Variants in EYA4 observed in about 807,000 individuals in gnomAD.
EYA4 encodes protein phosphatase EYA4.
In EYA4, 31 loss-of-function variants were observed where a neutral mutation model predicts 87.9. The ratio of observed to expected loss-of-function variants is 0.35; its 90% CI spans 0.27 to 0.48. EYA4 has a LOEUF of 0.48. Ranked by LOEUF, EYA4 falls within the 20% of genes least tolerant of loss-of-function variation. The pLI, the probability that EYA4 is intolerant of heterozygous loss-of-function variation, is 0.99. For missense variants in EYA4, 678 were observed against 761.4 expected (o/e 0.89, Z 1.29); for synonymous variants, 263 against 270.6 (o/e 0.97, Z 0.28).
At chr6:133,300,199 G>A (rs1377895202) in intron 2 of EYA4, among the ~76,000 whole-genome samples, 1 of 151,754 alleles carries the variant, frequency 6.6e-6, no homozygotes, top group African/African-American at 2.4e-5. Context: ...TAATCTTCAC[G>A]TTGAATAGGC....
At chr6:133,345,325 C>G (rs1420023086) in intron 2 of EYA4, among the ~76,000 whole-genome samples, 1 of 151,978 alleles carries the variant, frequency 6.6e-6, no homozygotes, top group Non-Finnish European at 1.5e-5. Flanking sequence ...TGAAGAGTTA[C>G]ATTTGGCTAA....
At chr6:133,441,970 G>T (rs1031314369) in intron 3 of EYA4, among the ~76,000 whole-genome samples, 7 of 151,254 alleles carry the variant, frequency 4.6e-5, no homozygotes, top group African/African-American at 1.7e-4. Context: ...TATATGTATT[G>T]ATCCATATAT....
intron 2 of EYA4, among the ~76,000 whole-genome samples, chr6:133,295,042 A>C (rs1366693995): frequency 6.6e-6 from 1 of 152,204 alleles, no homozygotes; most frequent in Non-Finnish European, 1.5e-5. Flanking sequence ...TTTATATCAC[A>C]CAAGATAGTG....
chr6:133,393,277 T>G (rs1787460908), intron 3 of EYA4, among the ~76,000 whole-genome samples: 1 of 152,278 alleles, frequency 6.6e-6, no homozygotes, highest in Non-Finnish European at 1.5e-5. Context: ...TTCAATTAAA[T>G]GCTTATTCTC....
intron 14 of EYA4, among the ~76,000 whole-genome samples, chr6:133,511,524 A>G (rs546163278): frequency 4.1e-4 from 63 of 151,980 alleles, no homozygotes; most frequent in African/African-American, 1.5e-3. Context: ...GGCATTTTAA[A>G]TGCCCTCACC....
chr6:133,481,260 A>G (rs777027379), intron 11 of EYA4, among the ~76,000 whole-genome samples: 68 of 152,210 alleles, frequency 4.5e-4, no homozygotes, highest in Non-Finnish European at 3.8e-4. Flanking sequence ...CAAGTTTAAT[A>G]GATCACATAG....
intron 14 of EYA4, among the ~76,000 whole-genome samples, chr6:133,506,974 G>C (rs1002012083): frequency 6.6e-6 from 1 of 152,064 alleles, no homozygotes; most frequent in Non-Finnish European, 1.5e-5. Flanking sequence ...TAACTATGCT[G>C]AAATAGAGAT....
intron 4 of EYA4, 33 bp from the exon 5 acceptor site, chr6:133,448,078 G>C: frequency 6.5e-7 from 1 of 1,547,080 alleles, no homozygotes; most frequent in Admixed American, 1.7e-5. Flanking sequence ...CAGGCATTCA[G>C]ACAATGAACT....
rs915550985 is a variant in EYA4, at chr6:133,529,978, A to G, written c.*1173A>G. 4.8e-5 allele frequency: 47 copies of G among 985,474 alleles called. No individual in the cohort carries two copies. In the African/African-American group the frequency reaches 7.1e-4, roughly 15 times the overall value. 61.0% of individuals were successfully genotyped at this position (985,474 alleles called of 1,614,324 possible). ...GTGCCATGAACATGGCATAAAATTC[A>G]CATTGAGTGCACAGGGCTTAAAATA... On this transcript the variant is annotated 3_prime_UTR_variant, in exon 20 of 20. Coordinates refer to ENST00000355286, the MANE Select transcript of EYA4 (RefSeq NM_004100.5).
chr6:133,261,065 C>T (rs1775763818), intron 1 of EYA4, among the ~76,000 whole-genome samples: 1 of 152,126 alleles, frequency 6.6e-6, no homozygotes, highest in African/African-American at 2.4e-5. Context: ...TCATATAGTT[C>T]CTTTGTCTTA....
chr6:133,465,414 C>T (rs552694354), intron 10 of EYA4, among the ~76,000 whole-genome samples: 1 of 152,238 alleles, frequency 6.6e-6, no homozygotes, highest in African/African-American at 2.4e-5. Flanking sequence ...ACAGCTGCAA[C>T]TTTTTGCTTT....
chr6:133,492,047 T>C (rs1339783547), intron 13 of EYA4, among the ~76,000 whole-genome samples: 1 of 150,374 alleles, frequency 6.7e-6, no homozygotes, highest in Non-Finnish European at 1.5e-5. Context: ...GAAGAGCTAA[T>C]AGCAACCCTG....
At chr6:133,429,645 T>C (rs1791005778) in intron 3 of EYA4, among the ~76,000 whole-genome samples, 1 of 152,176 alleles carries the variant, frequency 6.6e-6, no homozygotes, top group Non-Finnish European at 1.5e-5. Flanking sequence ...GGGTTTCTTT[T>C]TTGTTTTGTT....
chr6:133,457,417 G>A (rs775527723), intron 6 of EYA4, among the ~76,000 whole-genome samples: 7 of 152,062 alleles, frequency 4.6e-5, no homozygotes, highest in Non-Finnish European at 7.4e-5. Context: ...AGTATTTGTG[G>A]TAATTGAATC....
chr6:133,438,535 C>T (rs1791930492), intron 3 of EYA4, among the ~76,000 whole-genome samples: 1 of 151,428 alleles, frequency 6.6e-6, no homozygotes, highest in African/African-American at 2.4e-5. Context: ...TTTCTGATGA[C>T]ATTTTCTAGA....
At chr6:133,243,308 G>T (rs1029603025) in intron 1 of EYA4, among the ~76,000 whole-genome samples, 5 of 152,122 alleles carry the variant, frequency 3.3e-5, no homozygotes, top group African/African-American at 9.7e-5. Context: ...ACCCCTTTTG[G>T]CTTGGCACCC....
At chr6:133,397,684 A>G (rs1787918429) in intron 3 of EYA4, among the ~76,000 whole-genome samples, 1 of 152,216 alleles carries the variant, frequency 6.6e-6, no homozygotes, top group Non-Finnish European at 1.5e-5. Flanking sequence ...GCTGATAAAG[A>G]CATACTCAAG....
chr6:133,258,866 GAAGA>G (rs1344699746), intron 1 of EYA4, among the ~76,000 whole-genome samples: 43 of 152,144 alleles, frequency 2.8e-4, no homozygotes, highest in Non-Finnish European at 1.0e-4. Context: ...CAATTTTACT[GAAGA>G]ATAATTTAGT....
intron 3 of EYA4, among the ~76,000 whole-genome samples, chr6:133,444,220 G>C (rs767572560): frequency 3.9e-5 from 6 of 152,052 alleles, no homozygotes; most frequent in African/African-American, 7.2e-5. Flanking sequence ...ATCTCTGCTT[G>C]TAGGCACATG....
Sources: gnomAD v4.1 joint callset for allele counts (sites outside exome capture counted in the v4.1 genomes callset) on GRCh38, gnomAD v4.1.1 for gene constraint, MANE v1.5 for transcripts, NCBI Gene and HGNC (gene_info 2026-07-23, HGNC 2026-07-21) for gene names.